PRKG1: variants seen among roughly 807,000 people sequenced by gnomAD.
PRKG1 encodes protein kinase cGMP-dependent 1.
In PRKG1, 35 loss-of-function variants were observed where a neutral mutation model predicts 88.1. The observed-to-expected ratio is 0.40, with a 90% CI of 0.30 to 0.53. The LOEUF (loss-of-function observed/expected upper bound fraction) is 0.53, where lower values mean the gene tolerates loss of function less well. Among genes scored for constraint, PRKG1 ranks in the 20% least tolerant of loss-of-function variants. The probability of loss-of-function intolerance (pLI) is 0.59; values close to 1 mark genes in which losing one functional copy is unlikely to be tolerated. For synonymous variants in PRKG1, 303 were observed against 292.5 expected (o/e 1.04, Z -0.37); for missense variants, 540 against 839.8 (o/e 0.64, Z 4.41).
intron 1 of PRKG1, among the ~76,000 whole-genome samples, chr10:51,001,465 T>A (rs1288300060): frequency 6.6e-6 from 1 of 152,254 alleles, no homozygotes; most frequent in Non-Finnish European, 1.5e-5. Flanking sequence ...TTTCCCTTAA[T>A]CTGTTCCCTT....
chr10:51,959,153 G>A (rs1843384867), intron 5 of PRKG1, among the ~76,000 whole-genome samples: 1 of 152,140 alleles, frequency 6.6e-6, no homozygotes, highest in African/African-American at 2.4e-5. Context: ...GTGTAATTCA[G>A]TAATTAAAGA....
intron 7 of PRKG1, among the ~76,000 whole-genome samples, chr10:52,098,282 C>G (rs2132560861): frequency 6.6e-6 from 1 of 152,292 alleles, no homozygotes; most frequent in Admixed American, 6.5e-5. Flanking sequence ...ACAGTTCCCT[C>G]TAATTACATT....
intron 8 of PRKG1, among the ~76,000 whole-genome samples, chr10:52,150,834 G>T (rs568808436): frequency 6.6e-6 from 1 of 152,192 alleles, no homozygotes; most frequent in East Asian, 1.9e-4. Context: ...GCATTCCCAA[G>T]ATATTTTTCT....
chr10:52,039,308 G>A (rs539969563), intron 5 of PRKG1, among the ~76,000 whole-genome samples: 1 of 152,198 alleles, frequency 6.6e-6, no homozygotes, highest in East Asian at 1.9e-4. Flanking sequence ...AGGCAGCAGT[G>A]GGGGTCGCAA....
chr10:51,402,022 T>A (rs1254977622), intron 2 of PRKG1, among the ~76,000 whole-genome samples: 1 of 152,216 alleles, frequency 6.6e-6, no homozygotes, highest in Non-Finnish European at 1.5e-5. Context: ...GTTTTGCACA[T>A]GTGATTTTAA....
intron 2 of PRKG1, among the ~76,000 whole-genome samples, chr10:51,394,172 C>T (rs1837516345): frequency 6.6e-6 from 1 of 152,184 alleles, no homozygotes; most frequent in South Asian, 2.1e-4. Context: ...CTTTCACAGT[C>T]TGTGGGCTGG....
chr10:51,265,276 G>A (rs2132166356), intron 2 of PRKG1, among the ~76,000 whole-genome samples: 1 of 152,144 alleles, frequency 6.6e-6, no homozygotes, highest in African/African-American at 2.4e-5. Context: ...TATGAATAGA[G>A]ACAACATAAC....
Position 51,887,486 on chromosome 10 carries a change from C to G in PRKG1, c.699-20021C>G, listed in dbSNP as rs116399670. Among the ~76,000 whole-genome samples the G allele has an allele frequency of 3.7e-3, 562 of 152,228 alleles. 4 individuals are homozygous for G. The highest frequency in any genetic ancestry group is 0.01 in the Middle Eastern group (3 of 294). On this transcript the variant is annotated intron_variant, in intron 4 of 17. Coordinates refer to ENST00000373980, the MANE Select transcript of PRKG1 (RefSeq NM_006258.4). Reference sequence around the variant, plus strand: ...TTCTATTTTAAATTTTTTGAGGAAACTCAATACTGTTTCCCACAGTGGCTA... The same window carrying G: ...TTCTATTTTAAATTTTTTGAGGAAAGTCAATACTGTTTCCCACAGTGGCTA...
At chr10:51,929,245 T>C (rs1313417415) in intron 5 of PRKG1, among the ~76,000 whole-genome samples, 1 of 152,120 alleles carries the variant, frequency 6.6e-6, no homozygotes, top group Non-Finnish European at 1.5e-5. Context: ...CACTATATCA[T>C]TTTTCTTTAA....
intron 4 of PRKG1, among the ~76,000 whole-genome samples, chr10:51,885,858 A>G (rs978345052): frequency 6.6e-6 from 1 of 152,024 alleles, no homozygotes; most frequent in Admixed American, 6.6e-5. Flanking sequence ...CTTTCATGAG[A>G]CGTTATTATA....
chr10:51,373,279 G>A (rs959602846), intron 2 of PRKG1, among the ~76,000 whole-genome samples: 1 of 152,134 alleles, frequency 6.6e-6, no homozygotes, highest in Non-Finnish European at 1.5e-5. Context: ...AGTTTCTGTG[G>A]ATCCAGAATC....
At chr10:51,018,002 T>C (rs1256929452) in intron 1 of PRKG1, among the ~76,000 whole-genome samples, 1 of 151,876 alleles carries the variant, frequency 6.6e-6, no homozygotes, top group African/African-American at 2.4e-5. Flanking sequence ...TATTATTTTT[T>C]AGGTAGAGAC....
intron 3 of PRKG1, among the ~76,000 whole-genome samples, chr10:51,733,608 A>G (rs1837178322): frequency 6.6e-6 from 1 of 152,178 alleles, no homozygotes. Flanking sequence ...ATCAGAAAGT[A>G]CTTTTTGTTG....
At chr10:52,110,918 A>C (rs1453019395) in intron 7 of PRKG1, among the ~76,000 whole-genome samples, 1 of 152,182 alleles carries the variant, frequency 6.6e-6, no homozygotes, top group East Asian at 1.9e-4. Flanking sequence ...CCAAGCAGAA[A>C]TGTATCCATT....
At chr10:51,047,974 C>T (rs879896554) in intron 1 of PRKG1, among the ~76,000 whole-genome samples, 1 of 152,100 alleles carries the variant, frequency 6.6e-6, no homozygotes, top group Admixed American at 6.5e-5. Flanking sequence ...ATCTACAGGG[C>T]ATAAGGAAGG....
chr10:51,969,464 A>T (rs1490887505), intron 5 of PRKG1, among the ~76,000 whole-genome samples: 2 of 152,138 alleles, frequency 1.3e-5, no homozygotes, highest in Non-Finnish European at 2.9e-5. Flanking sequence ...AAGGATATAT[A>T]ACTCAAGCCT....
intron 2 of PRKG1, among the ~76,000 whole-genome samples, chr10:51,268,934 C>T (rs114962569): frequency 0.039 from 5,917 of 152,242 alleles, 375 homozygotes; most frequent in African/African-American, 0.13. Context: ...TCACCATCCA[C>T]GTTCTTCTGC....
chr10:51,447,704 A>T (rs537272167), intron 2 of PRKG1, among the ~76,000 whole-genome samples: 1 of 152,022 alleles, frequency 6.6e-6, no homozygotes, highest in East Asian at 1.9e-4. Flanking sequence ...CCATAACTAG[A>T]CATAATAATG....
chr10:52,136,938 A>G (rs1837440590), intron 8 of PRKG1, among the ~76,000 whole-genome samples: 1 of 152,094 alleles, frequency 6.6e-6, no homozygotes, highest in Non-Finnish European at 1.5e-5. Flanking sequence ...GTATACTCTT[A>G]GCAGAGAAAT....
Sources: allele counts gnomAD v4.1 joint callset (sites outside exome capture counted in the v4.1 genomes callset), GRCh38; gene constraint gnomAD v4.1.1; transcripts MANE v1.5; gene names NCBI Gene and HGNC (gene_info 2026-07-23, HGNC 2026-07-21).